Variants in WDR48 observed in about 807,000 individuals in gnomAD.
The protein encoded by WDR48 is WD repeat domain 48.
Under a neutral mutation model 94.0 loss-of-function variants are expected in WDR48, and 22 were observed. The observed-to-expected ratio is 0.23, with a 90% CI of 0.17 to 0.33. WDR48 has a LOEUF of 0.33. Ranked by LOEUF, WDR48 falls within the 10% of genes least tolerant of loss-of-function variation. The pLI, the probability that WDR48 is intolerant of heterozygous loss-of-function variation, is 1.00. For synonymous variants in WDR48, 278 were observed against 280.5 expected, an observed-to-expected ratio of 0.99 and a Z score of 0.09; for missense variants, 541 against 813.8, an observed-to-expected ratio of 0.66 and a Z score of 4.08.
At position 39,095,259 on chromosome 3, in the gene WDR48, A is replaced by T. The variant is rs1322064297; in HGVS notation, c.*516A>T. The T allele has an allele frequency of 1.3e-5, 2 of 154,422 alleles. No homozygotes were observed. The highest frequency in any genetic ancestry group is 6.4e-5 in the Admixed American group (1 of 15,622). The allele number at this position is 154,422 out of a possible 1,614,324, so 9.6% of individuals were successfully genotyped here. A position where few individuals can be genotyped will look rare whatever the true frequency, so the allele number is the denominator to read the frequency against. On this transcript the variant is annotated 3_prime_UTR_variant, in exon 19 of 19. Transcript: ENST00000302313. ...TTTAAGACAGTTATTTTTAATGGGA[A>T]TTTGCTGTTGCACAATTTGAGAACC...
In WDR48 at chr3:39,085,580, A is replaced by G. The variant is rs150131900; in HGVS notation, c.1444A>G (p.Met482Val). 23 of 1,611,858 alleles carry G rather than the reference A, an allele frequency of 1.4e-5. No homozygotes were observed. Among genetic ancestry groups the G allele is most frequent in the South Asian group, 6.6e-5 (6 of 90,478 alleles). Residue 482 changes from methionine (M) to valine (V), a missense_variant, in exon 14 of 19, where the codon ATG becomes GTG. Met to Val is a conservative substitution (Grantham distance 21, BLOSUM62 1). This residue lies in a region of WDR48 where 238 missense variants were observed against 285.3 expected (regional missense o/e 0.83). Coordinates refer to ENST00000302313, the MANE Select transcript of WDR48 (RefSeq NM_020839.4). ...TTGGCCTAGAACACATGTGAATCCA[A>G]TGGATGAAGAGGAAAATGAAGTAAA... ...EYWPRTHVNP[M>V]DEEENEVNHV...
At chr3:39,068,667 A>C (rs2033757929) in intron 5 of WDR48, 104 bp from the exon 6 acceptor site, 1 of 722,598 alleles carries the variant, frequency 1.4e-6, no homozygotes, top group Non-Finnish European at 2.4e-6. Flanking sequence ...TAGAGGACTT[A>C]TAAAGATAAG....
At chr3:39,094,559 T>C in intron 18 of WDR48, 89 bp from the exon 19 acceptor site, 1 of 1,569,036 alleles carries the variant, frequency 6.4e-7, no homozygotes, top group Non-Finnish European at 8.6e-7. Flanking sequence ...GTGAGCAAGC[T>C]GGATCACCTG....
At chr3:39,073,006 T>C (rs911177303) in intron 7 of WDR48, among the ~76,000 whole-genome samples, 4 of 152,180 alleles carry the variant, frequency 2.6e-5, no homozygotes, top group Admixed American at 1.3e-4. Flanking sequence ...TTGGGACTTA[T>C]CCTTTCCTGT....
chr3:39,091,732 T>C, intron 17 of WDR48, 31 bp downstream of exon 17: 1 of 1,525,884 alleles, frequency 6.6e-7, no homozygotes, highest in Non-Finnish European at 8.9e-7. Flanking sequence ...TTGATCTAAT[T>C]AACTACTAGA....
chr3:39,082,570 G>A (rs1401185226), intron 11 of WDR48, among the ~76,000 whole-genome samples: 4 of 152,140 alleles, frequency 2.6e-5, no homozygotes, highest in Non-Finnish European at 5.9e-5. Flanking sequence ...ATGAGCAACC[G>A]TGCCTGCCCA....
In WDR48 at chr3:39,094,353, G is replaced by A. The variant is rs149606175; in HGVS notation, c.1938+287G>A. On this transcript the variant is annotated intron_variant, in intron 18 of 18. Coordinates refer to ENST00000302313, the MANE Select transcript of WDR48 (RefSeq NM_020839.4). ...ATGTGCCATGTTTATGATTTAGAGT[G>A]AAGGTGTGCGGAGAAATGGCAGAAC... 3.7e-4 allele frequency: 527 copies of A among 1,441,602 alleles called. 1 individual carries two copies. The African/African-American group carries it at 6.5e-3, about 18-fold the overall frequency. 89.3% of individuals were successfully genotyped at this position (1,441,602 alleles called of 1,614,324 possible).
intron 11 of WDR48, among the ~76,000 whole-genome samples, chr3:39,081,283 G>A (rs945374464): frequency 6.6e-6 from 1 of 152,180 alleles, no homozygotes; most frequent in Admixed American, 6.5e-5. Flanking sequence ...AATAAGACAG[G>A]CAAGTTTCTT....
At chr3:39,058,799 G>A (rs976828177) in intron 1 of WDR48, among the ~76,000 whole-genome samples, 4 of 152,126 alleles carry the variant, frequency 2.6e-5, no homozygotes, top group African/African-American at 9.7e-5. Context: ...AAATGTGGCT[G>A]GGCGCGGTGG....
chr3:39,081,949 G>T (rs2125672827), intron 11 of WDR48, among the ~76,000 whole-genome samples: 1 of 152,336 alleles, frequency 6.6e-6, no homozygotes, highest in South Asian at 2.1e-4. Context: ...AATAGACGTG[G>T]CTAAACAGTG....
At chr3:39,061,497 C>T (rs898822231) in intron 1 of WDR48, among the ~76,000 whole-genome samples, 1 of 152,090 alleles carries the variant, frequency 6.6e-6, no homozygotes, top group African/African-American at 2.4e-5. Context: ...TTCAGTCTAT[C>T]ATTGATGGAC....
At position 39,055,840 on chromosome 3, in the gene WDR48, T is replaced by TG. The variant is rs527733732; in HGVS notation, c.48+3771dup. ...TCTTCCTTCAGTGCTTCACAGTGCT[T>TG]GGGGAAAAAAAATACTTCGCTTAAC... On this transcript the variant is annotated intron_variant, in intron 1 of 18. Coordinates refer to ENST00000302313, the MANE Select transcript of WDR48 (RefSeq NM_020839.4). 3.5e-3 allele frequency among the ~76,000 whole-genome samples: 536 copies of TG among 152,230 alleles called. 3 individuals carry two copies. Among genetic ancestry groups the TG allele is most frequent in the African/African-American group, 0.012 (494 of 41,526 alleles).
rs1212304280 is a variant in WDR48 at position 39,066,737 on chromosome 3, C to T, written c.352-9C>T. On this transcript the variant is annotated splice_polypyrimidine_tract_variant and intron_variant, in intron 4 of 18. Coordinates refer to ENST00000302313, the MANE Select transcript of WDR48 (RefSeq NM_020839.4). Reference sequence around the variant, plus strand: ...CAGAATAGATCATAGTATGTCTGTTCTATTACAGGATTACGTAAAGGCCTT... The same window carrying T: ...CAGAATAGATCATAGTATGTCTGTTTTATTACAGGATTACGTAAAGGCCTT... The T allele has an allele frequency of 1.2e-6, 2 of 1,613,828 alleles. No homozygotes were observed. The highest frequency in any genetic ancestry group is 2.2e-5 in the South Asian group (2 of 91,062).
intron 1 of WDR48, among the ~76,000 whole-genome samples, chr3:39,054,960 A>G (rs2125629860): frequency 6.6e-6 from 1 of 152,368 alleles, no homozygotes; most frequent in East Asian, 1.9e-4. Context: ...AAGACAGGAC[A>G]TGGGATATCT....
At chr3:39,084,862 A>C in intron 13 of WDR48, 121 bp downstream of exon 13, 1 of 723,910 alleles carries the variant, frequency 1.4e-6, no homozygotes, top group Non-Finnish European at 2.3e-6. Context: ...ATGTCCTAAA[A>C]ATGTGGTATG....
chr3:39,077,248 A>G, intron 9 of WDR48, 35 bp downstream of exon 9: 1 of 1,611,030 alleles, frequency 6.2e-7, no homozygotes, highest in Non-Finnish European at 8.5e-7. Context: ...AGGTTTATAA[A>G]CATGTATTTT....
At chr3:39,066,021 T>C in intron 3 of WDR48, 132 bp downstream of exon 3, 1 of 582,196 alleles carries the variant, frequency 1.7e-6, no homozygotes, top group Non-Finnish European at 2.8e-6. Flanking sequence ...TTTTAGAAAG[T>C]GAATACCCAA....
intron 18 of WDR48, 192 bp downstream of exon 18, chr3:39,094,258 T>G: frequency 6.9e-7 from 1 of 1,439,026 alleles, no homozygotes; most frequent in Non-Finnish European, 9.1e-7. Context: ...CATAGACAAA[T>G]GTGGATGTGC....
In WDR48 at chr3:39,084,506, T is replaced by C. The variant is rs2034705746; in HGVS notation, c.1282-139T>C. The C allele has an allele frequency of 3.3e-5, 22 of 676,018 alleles. 1 individual carries two copies. The South Asian group carries it at 5.5e-4, about 17-fold the overall frequency. 41.9% of individuals were successfully genotyped at this position (676,018 alleles called of 1,614,324 possible). A position where few individuals can be genotyped will look rare whatever the true frequency, so the allele number is the denominator to read the frequency against. On this transcript the variant is annotated intron_variant, in intron 12 of 18. Coordinates refer to ENST00000302313, the MANE Select transcript of WDR48 (RefSeq NM_020839.4). ...CAGGAAACTAAATTGTGTTGTTGCA[T>C]TGAATCACACAAAACACATTTTGGT...
Sources: gnomAD v4.1 joint callset for allele counts (sites outside exome capture counted in the v4.1 genomes callset) on GRCh38, gnomAD v4.1.1 for gene constraint, gnomAD v4.1.1 regional missense constraint, MANE v1.5 for transcripts, NCBI Gene and HGNC (gene_info 2026-07-23, HGNC 2026-07-21) for gene names.